The following SETD1B variants were observed in gnomAD, a reference collection of about 807,000 sequenced individuals.
SETD1B encodes the protein SET domain containing 1B, histone lysine methyltransferase, also known as histone-lysine N-methyltransferase SETD1B.
A neutral mutation model predicts 148.0 loss-of-function variants in SETD1B; 7 were observed. That is an observed-to-expected ratio of 0.05 (90% CI 0.03 to 0.09). The LOEUF (loss-of-function observed/expected upper bound fraction) is 0.09. Ranked by LOEUF, SETD1B falls within the 10% of genes least tolerant of loss-of-function variation. The probability of loss-of-function intolerance (pLI) is 1.00; values close to 1 mark genes in which losing one functional copy is unlikely to be tolerated. For synonymous variants in SETD1B, 1,361 were observed against 1,186.5 expected (o/e 1.15, Z -3.02); for missense variants, 2,155 against 2,729.9 (o/e 0.79, Z 4.69).
At chr12:121,828,453 A>G (rs1475200898) in intron 16 of SETD1B, among the ~76,000 whole-genome samples, 1 of 152,232 alleles carries the variant, frequency 6.6e-6, no homozygotes, top group African/African-American at 2.4e-5. Flanking sequence ...GGGGAGGTGC[A>G]CTGCGTGCAT....
At position 121,830,326 on chromosome 12, in the gene SETD1B, G is replaced by A. The variant is rs545213878; in HGVS notation, c.*87G>A. 1.3e-4 allele frequency: 167 copies of A among 1,328,148 alleles called. No homozygotes were observed. Among genetic ancestry groups the A allele is most frequent in the Admixed American group, 2.1e-4 (9 of 42,054 alleles). The allele number at this position is 1,328,148 out of a possible 1,614,324, so 82.3% of individuals were successfully genotyped here. ...CTGGCCCCGGGGCCCGGCCCCCCGC[G>A]CCCGCCCCCATTTCAGGTGCTGTCC... On this transcript the variant is annotated 3_prime_UTR_variant, in exon 17 of 17. Transcript: ENST00000604567. The surrounding 1 kb of genome is among the most constrained non-coding windows in gnomAD (Gnocchi z 5.7).
Position 121,817,285 on chromosome 12 carries a change from G to A in SETD1B, c.2968G>A (p.Glu990Lys), listed in dbSNP as rs1374235889. The change falls in exon 8 of 17, where the codon GAA becomes AAA. Residue 990 changes from glutamate (E) to lysine (K), a missense_variant. Glu to Lys is a moderately conservative substitution (Grantham distance 56). This residue lies in a region of SETD1B where 289 missense variants were observed against 423.7 expected (regional missense o/e 0.68). Coordinates refer to ENST00000604567, the MANE Select transcript of SETD1B (RefSeq NM_001353345.2). This position sits in a 1 kb window ranked among gnomAD's most constrained non-coding sequence, Gnocchi z 8.1. ...RLRPSTSVDEEDEESERERDR... is the reference protein window; with the variant it reads ...RLRPSTSVDEKDEESERERDR... The stretch of plus-strand genomic sequence containing the variant: ...GCGGCCCTCGACCTCTGTGGATGAG[G>A]AAGATGAAGGTTCGTGCTCTGGGTG... 6.5e-7 allele frequency: 1 copy of A among 1,550,338 alleles called. No individual in the cohort carries two copies. Among genetic ancestry groups the A allele is most frequent in the East Asian group, 2.4e-5 (1 of 40,922 alleles).
At chr12:121,826,388 C>T (rs977647702) in intron 13 of SETD1B, among the ~76,000 whole-genome samples, 1 of 152,106 alleles carries the variant, frequency 6.6e-6, no homozygotes, top group Non-Finnish European at 1.5e-5. Context: ...ATGTGGATGC[C>T]AGAGAGACTA....
chr12:121,814,438 C>CAA lies in SETD1B; in HGVS notation c.2223_2224insAA (p.Leu742AsnfsTer15). ...CGCCTGGAGTCCCGCCCCCACCCAT[C>CAA]CTGCCACCACTGCCCCCCTTTCCGC... On this transcript the variant is annotated frameshift_variant, in exon 7 of 17. Coordinates refer to ENST00000604567, the MANE Select transcript of SETD1B (RefSeq NM_001353345.2). LOFTEE classifies it high-confidence loss of function. 1.4e-6 allele frequency: 2 copies of CAA among 1,416,540 alleles called. No individual in the cohort carries two copies. Among genetic ancestry groups the CAA allele is most frequent in the East Asian group, 2.6e-5 (1 of 39,194 alleles). The allele number at this position is 1,416,540 out of a possible 1,614,324, so 87.7% of individuals were successfully genotyped here.
intron 12 of SETD1B, among the ~76,000 whole-genome samples, chr12:121,824,511 G>A (rs1428453744): frequency 6.6e-6 from 1 of 152,126 alleles, no homozygotes; most frequent in Admixed American, 6.5e-5. Context: ...GCCGGGTGTG[G>A]TAGCACATGC....
chr12:121,807,342 G>A (rs1209426418), intron 4 of SETD1B, among the ~76,000 whole-genome samples: 2 of 150,470 alleles, frequency 1.3e-5, no homozygotes, highest in Non-Finnish European at 2.9e-5. Flanking sequence ...GGTGGCTGCA[G>A]CACGATTTCT....
the SETD1B span, among the ~76,000 whole-genome samples, chr12:121,798,657 T>C: frequency 6.6e-6 from 1 of 152,068 alleles, no homozygotes; most frequent in African/African-American, 2.4e-5. Context: ...AAGATCTCCT[T>C]GTTAATCCGA....
chr12:121,792,409 C>T, the SETD1B span, among the ~76,000 whole-genome samples: 8 of 152,334 alleles, frequency 5.3e-5, no homozygotes, highest in African/African-American at 7.2e-5. Context: ...CTCACAACAC[C>T]GACTCCCAAG....
Position 121,817,022 on chromosome 12 carries a change from C to T in SETD1B, c.2716-11C>T, listed in dbSNP as rs1457835048. ...AGAAGCGGTGACGGTCCCCTCCTGTCTCCACCCCAGGCCTCGCTGACCCCG... is the reference window on the plus strand; with the variant it reads ...AGAAGCGGTGACGGTCCCCTCCTGTTTCCACCCCAGGCCTCGCTGACCCCG... On this transcript the variant is annotated splice_polypyrimidine_tract_variant and intron_variant, in intron 7 of 16. Coordinates refer to ENST00000604567, the MANE Select transcript of SETD1B (RefSeq NM_001353345.2). This position sits in a 1 kb window ranked among gnomAD's most constrained non-coding sequence, Gnocchi z 8.1. The T allele has an allele frequency of 1.3e-6, 2 of 1,500,838 alleles. No individual in the cohort carries two copies. The highest frequency in any genetic ancestry group is 1.8e-6 in the Non-Finnish European group (2 of 1,117,764). 93.0% of individuals were successfully genotyped at this position (1,500,838 alleles called of 1,614,324 possible). A position where few individuals can be genotyped will look rare whatever the true frequency, so the allele number is the denominator to read the frequency against.
At position 121,814,625 on chromosome 12, in the gene SETD1B, G is replaced by A. The variant is rs1253727569; in HGVS notation, c.2410G>A (p.Ala804Thr). The A allele has an allele frequency of 2.6e-6, 4 of 1,544,444 alleles. No individual in the cohort carries two copies. The highest frequency in any genetic ancestry group is 2.0e-5 in the Admixed American group (1 of 50,774). The change falls in exon 7 of 17, where the codon GCT becomes ACT. Residue 804 changes from alanine (A) to threonine (T), a missense_variant. By Grantham distance (58) the Ala-to-Thr change is moderately conservative. Coordinates refer to ENST00000604567, the MANE Select transcript of SETD1B (RefSeq NM_001353345.2). ...GCCCTTCATGGCCGCTGCGGCCGCC[G>A]CTGCCTCAGCTGGGCTCCAGTTTGT... ...YPPFMAAAAAAASAGLQFVNL... is the reference protein window; with the variant it reads ...YPPFMAAAAATASAGLQFVNL...
chr12:121,821,416 G>A (rs1471780974), intron 11 of SETD1B, among the ~76,000 whole-genome samples: 4 of 151,198 alleles, frequency 2.6e-5, no homozygotes, highest in Non-Finnish European at 5.9e-5. Flanking sequence ...TCCAGCCTGG[G>A]CGATAGAGTG....
chr12:121,800,562 G>T (rs923196807), upstream of SETD1B: 1 of 151,478 alleles, frequency 6.6e-6, no homozygotes, highest in Non-Finnish European at 1.5e-5. Flanking sequence ...GCCCGCGCAG[G>T]ACAAAGACGA....
At chr12:121,801,663 G>C (rs796358389), upstream of SETD1B, 6 of 152,620 alleles carry the variant, frequency 3.9e-5, no homozygotes, top group African/African-American at 1.4e-4. Context: ...TTTTGATTTA[G>C]TTGGGAAATT....
rs1592980519 is a variant in SETD1B, at chr12:121,814,222, G to C, written c.2007G>C (p.Val669=). 6.5e-7 allele frequency: 1 copy of C among 1,534,290 alleles called. No homozygotes were observed. Among genetic ancestry groups the C allele is most frequent in the East Asian group, 2.5e-5 (1 of 40,444 alleles). The change falls in exon 7 of 17, where the codon GTG becomes GTC. Residue 669 remains valine (V), a synonymous_variant. Transcript: ENST00000604567. ...PMVVTPGAAA[V]AAPSVLAPTL... ...TGGTGACCCCAGGAGCGGCAGCCGTGGCAGCCCCTTCTGTGCTAGCCCCAA... is the reference window on the plus strand; with the variant it reads ...TGGTGACCCCAGGAGCGGCAGCCGTCGCAGCCCCTTCTGTGCTAGCCCCAA...
intron 16 of SETD1B, among the ~76,000 whole-genome samples, chr12:121,829,367 G>A (rs1163197691): frequency 6.6e-6 from 1 of 152,196 alleles, no homozygotes; most frequent in Non-Finnish European, 1.5e-5. Flanking sequence ...GCCCTTCCGG[G>A]ACTGAACTCA....
the SETD1B span, among the ~76,000 whole-genome samples, chr12:121,798,342 CCA>C: frequency 6.6e-6 from 1 of 152,346 alleles, no homozygotes; most frequent in African/African-American, 2.4e-5. Flanking sequence ...CCAGGGAGCG[CCA>C]GATTCCCCTT....
intron 6 of SETD1B, 23 bp from the exon 7 acceptor site, chr12:121,814,083 G>A: frequency 6.5e-7 from 1 of 1,537,742 alleles, no homozygotes; most frequent in Non-Finnish European, 8.8e-7. Flanking sequence ...TCACCTCACT[G>A]TCTCTCCCTG....
rs1435835472 is a variant in SETD1B at position 121,828,010 on chromosome 12, C to T, written c.5667C>T (p.Asp1889=). The T allele has an allele frequency of 1.9e-6, 3 of 1,552,112 alleles. No individual in the cohort carries two copies. Among genetic ancestry groups the T allele is most frequent in the Non-Finnish European group, 2.6e-6 (3 of 1,147,174 alleles). ...GSSYMFRVDH[D]TIIDATKCGN... Reference sequence around the variant, plus strand: ...GCTACATGTTCCGGGTGGACCATGACACCATCATCGACGCCACCAAGTGCG... The same window carrying T: ...GCTACATGTTCCGGGTGGACCATGATACCATCATCGACGCCACCAAGTGCG... The change falls in exon 16 of 17, where the codon GAC becomes GAT. Residue 1889 remains aspartate, a synonymous_variant. Transcript: ENST00000604567.
In SETD1B at chr12:121,817,197, C is replaced by A; in HGVS notation, c.2880C>A (p.Pro960=). 1 of 1,550,602 alleles carries A rather than the reference C, an allele frequency of 6.4e-7. No homozygotes were observed. The highest frequency in any genetic ancestry group is 8.7e-7 in the Non-Finnish European group (1 of 1,146,940). ...GIGLRGAIRL[P]SFKVKRKEPP... Reference sequence around the variant, plus strand: ...GGCTGCGTGGGGCCATTCGCCTGCCCTCCTTCAAGGTCAAGAGGAAGGAGC... The same window carrying A: ...GGCTGCGTGGGGCCATTCGCCTGCCATCCTTCAAGGTCAAGAGGAAGGAGC... The change falls in exon 8 of 17, where the codon CCC becomes CCA. Residue 960 remains proline (P), a synonymous_variant. Transcript: ENST00000604567. The surrounding 1 kb of genome is among the most constrained non-coding windows in gnomAD (Gnocchi z 8.1).
Sources: gnomAD v4.1 joint callset for allele counts (sites outside exome capture counted in the v4.1 genomes callset) on GRCh38, gnomAD v4.1.1 for gene constraint, gnomAD v4.1.1 regional missense constraint, Gnocchi (gnomAD v3.1) non-coding constraint, MANE v1.5 for transcripts, NCBI Gene and HGNC (gene_info 2026-07-23, HGNC 2026-07-21) for gene names.